ZC3H4: variants seen among roughly 807,000 people sequenced by gnomAD.
ZC3H4 encodes zinc finger CCCH-type containing 4, also known as zinc finger CCCH domain-containing protein 4.
Under a neutral mutation model 108.3 loss-of-function variants are expected in ZC3H4, and 13 were observed. The observed-to-expected ratio is 0.12, with a 90% CI of 0.08 to 0.19. ZC3H4 has a LOEUF of 0.19. Ranked by LOEUF, ZC3H4 falls within the 10% of genes least tolerant of loss-of-function variation. The pLI, the probability that ZC3H4 is intolerant of heterozygous loss-of-function variation, is 1.00. For missense variants in ZC3H4, 1,734 were observed against 1,838.8 expected (o/e 0.94, Z 1.04); for synonymous variants, 917 against 749.6 (o/e 1.22, Z -3.65).
At chr19:47,071,510 G>A (rs1231850818) in intron 13 of ZC3H4, among the ~76,000 whole-genome samples, 3 of 152,188 alleles carry the variant, frequency 2.0e-5, no homozygotes, top group South Asian at 2.1e-4. Flanking sequence ...TTGCACACTC[G>A]TCCCTCTAAC....
At chr19:47,082,425 G>T in intron 9 of ZC3H4, 130 bp from the exon 10 acceptor site, 2 of 707,954 alleles carry the variant, frequency 2.8e-6, no homozygotes, top group Non-Finnish European at 5.1e-6. Context: ...ATCCCCCTTA[G>T]GAAAGGAAGA....
At chr19:47,084,828 T>G (rs889260663) in intron 8 of ZC3H4, among the ~76,000 whole-genome samples, 4 of 152,214 alleles carry the variant, frequency 2.6e-5, no homozygotes, top group South Asian at 4.1e-4. Context: ...GTGTTAGGTA[T>G]GGCTGCAGGT....
chr19:47,089,331 C>T (rs562114585), intron 5 of ZC3H4, among the ~76,000 whole-genome samples: 3 of 151,802 alleles, frequency 2.0e-5, no homozygotes, highest in Non-Finnish European at 2.9e-5. Context: ...TCAGGCTGGG[C>T]AGTCTTTCTG....
chr19:47,065,418 C>T lies in ZC3H4; in HGVS notation c.*938G>A, dbSNP rs532255402. ...TTGGGGCCTGGCGGCGCAGCCACTG[C>T]ACGGATCCTGGAGCTGTCCGGGGCT... On this transcript the variant is annotated 3_prime_UTR_variant, in exon 15 of 15. Coordinates refer to ENST00000253048, the MANE Select transcript of ZC3H4 (RefSeq NM_015168.2). The T allele has an allele frequency of 3.9e-5, 6 of 153,230 alleles. No individual in the cohort carries two copies. The Admixed American group carries it at 3.9e-4, about 10-fold the overall frequency. The allele number at this position is 153,230 out of a possible 1,614,324, so 9.5% of individuals were successfully genotyped here.
In ZC3H4 at chr19:47,072,485, T is replaced by C; in HGVS notation, c.1669A>G (p.Met557Val). The stretch of plus-strand genomic sequence containing the variant: ...AGTGGCTCATGCACCGGCATGGGCA[T>C]CTGAGGGGGCCCGGGCGGTGGGGGA... Reference protein sequence around the residue: ...PPPPPPGPPQMPMPVHEPLSP... With the variant: ...PPPPPPGPPQVPMPVHEPLSP... Residue 557 changes from methionine to valine, a missense_variant, in exon 12 of 15, where the codon ATG becomes GTG. Transcript: ENST00000253048. The surrounding 1 kb of genome is among the most constrained non-coding windows in gnomAD (Gnocchi z 5.6). 8.9e-7 allele frequency: 1 copy of C among 1,128,688 alleles called. No individual in the cohort carries two copies. The highest frequency in any genetic ancestry group is 1.2e-6 in the Non-Finnish European group (1 of 868,900). The allele number at this position is 1,128,688 out of a possible 1,614,324, so 69.9% of individuals were successfully genotyped here. A position where few individuals can be genotyped will look rare whatever the true frequency, so the allele number is the denominator to read the frequency against.
intron 2 of ZC3H4, among the ~76,000 whole-genome samples, chr19:47,098,585 G>A (rs1011870324): frequency 1.3e-5 from 2 of 151,758 alleles, no homozygotes; most frequent in Admixed American, 1.3e-4. Context: ...CCAACATGGC[G>A]AAACTCCGTC....
intron 6 of ZC3H4, 93 bp downstream of exon 6, chr19:47,086,291 T>C (rs989203176): frequency 4.7e-6 from 7 of 1,473,776 alleles, no homozygotes; most frequent in Non-Finnish European, 5.6e-6. Flanking sequence ...TATGTCTTCC[T>C]ACCTTGGCCT....
chr19:47,069,567 C>T (rs2057289432), intron 13 of ZC3H4, among the ~76,000 whole-genome samples: 1 of 152,100 alleles, frequency 6.6e-6, no homozygotes, highest in African/African-American at 2.4e-5. Flanking sequence ...TGCGGGCAAA[C>T]GCTTATGAGG....
Position 47,066,701 on chromosome 19 carries a change from C to T in ZC3H4, c.3567G>A (p.Pro1189=), listed in dbSNP as rs768457666. 9.3e-5 allele frequency: 149 copies of T among 1,609,344 alleles called. No individual in the cohort carries two copies. Among genetic ancestry groups the T allele is most frequent in the Non-Finnish European group, 1.2e-4 (138 of 1,178,826 alleles). The stretch of plus-strand genomic sequence containing the variant: ...GTTCCAGGGCAGACTTGCGGACGAA[C>T]GGGGGCTCCTTAGCCTTGGAGGCCG... ...KSSASKAKEP[P]FVRKSALEQP... Residue 1189 remains proline (P), a synonymous_variant, in exon 15 of 15, where the codon CCG becomes CCA. Coordinates refer to ENST00000253048, the MANE Select transcript of ZC3H4 (RefSeq NM_015168.2).
Position 47,085,375 on chromosome 19 carries a change from C to CA in ZC3H4, c.909dup (p.Asp304Ter). 1.2e-6 allele frequency: 2 copies of CA among 1,602,108 alleles called. No individual in the cohort carries two copies. The highest frequency in any genetic ancestry group is 1.7e-6 in the Non-Finnish European group (2 of 1,174,258). On this transcript the variant is annotated frameshift_variant, in exon 7 of 15. Coordinates refer to ENST00000253048, the MANE Select transcript of ZC3H4 (RefSeq NM_015168.2). LOFTEE classifies it high-confidence loss of function. Reference sequence around the variant, plus strand: ...TGGTTCAGCTCCTTGGAGTACTCGTCATAGTCGTCGTCTCCCATTGGCTCC... The same window carrying CA: ...TGGTTCAGCTCCTTGGAGTACTCGTCAATAGTCGTCGTCTCCCATTGGCTCC...
intron 2 of ZC3H4, among the ~76,000 whole-genome samples, chr19:47,098,085 C>T (rs557169618): frequency 6.6e-6 from 1 of 152,334 alleles, no homozygotes; most frequent in East Asian, 1.9e-4. Context: ...CTGGCTGCTC[C>T]TCCCCCTGGT....
At chr19:47,094,739 TG>T in intron 2 of ZC3H4, 131 bp from the exon 3 acceptor site, 1 of 833,878 alleles carries the variant, frequency 1.2e-6, no homozygotes, top group Non-Finnish European at 1.9e-6. Context: ...TGGGAGGACA[TG>T]GGGGCCATGG....
chr19:47,082,892 A>C (rs1038640774), intron 9 of ZC3H4, among the ~76,000 whole-genome samples: 2 of 152,156 alleles, frequency 1.3e-5, no homozygotes, highest in Non-Finnish European at 2.9e-5. Flanking sequence ...TTTCCGGTTG[A>C]ACACAGTCTC....
chr19:47,069,495 A>T, intron 13 of ZC3H4, 152 bp from the exon 14 acceptor site: 1 of 1,018,104 alleles, frequency 9.8e-7, no homozygotes. Flanking sequence ...TCAGGGGAAC[A>T]GAGCGGCCCA....
At chr19:47,109,107 A>G (rs1338574848) in intron 2 of ZC3H4, among the ~76,000 whole-genome samples, 2 of 151,684 alleles carry the variant, frequency 1.3e-5, no homozygotes, top group African/African-American at 4.8e-5. Flanking sequence ...TTTTTTTTGC[A>G]ACATCCATTA....
chr19:47,112,245 A>G, intron 2 of ZC3H4, 179 bp downstream of exon 2: 1 of 1,158,752 alleles, frequency 8.6e-7, no homozygotes, highest in Non-Finnish European at 1.1e-6. Context: ...CGGGAGAGAA[A>G]GCAAGCGAGA....
chr19:47,107,816 A>G (rs2057986823), intron 2 of ZC3H4, among the ~76,000 whole-genome samples: 1 of 152,240 alleles, frequency 6.6e-6, no homozygotes, highest in Non-Finnish European at 1.5e-5. Flanking sequence ...TTACATCACC[A>G]GTGAAACTGT....
intron 2 of ZC3H4, among the ~76,000 whole-genome samples, chr19:47,108,114 A>T (rs1040118926): frequency 6.6e-6 from 1 of 152,198 alleles, no homozygotes; most frequent in African/African-American, 2.4e-5. Flanking sequence ...CTGCTGAATA[A>T]ATACCAATTG....
chr19:47,071,658 A>C, intron 13 of ZC3H4, 120 bp downstream of exon 13: 1 of 1,058,706 alleles, frequency 9.4e-7, no homozygotes, highest in Non-Finnish European at 1.3e-6. Flanking sequence ...TAAATGGGAC[A>C]GAGATGGAGT....
Sources: allele counts gnomAD v4.1 joint callset (sites outside exome capture counted in the v4.1 genomes callset), GRCh38; gene constraint gnomAD v4.1.1; non-coding constraint Gnocchi (gnomAD v3.1); transcripts MANE v1.5; gene names NCBI Gene and HGNC (gene_info 2026-07-23, HGNC 2026-07-21).